Variants in PAK5 observed in about 807,000 individuals in gnomAD.
PAK5 encodes the protein p21 (RAC1) activated kinase 5, also known as serine/threonine-protein kinase PAK 5.
PAK5 carries 16 observed loss-of-function variants against 65.9 expected under a neutral mutation model. That is an observed-to-expected ratio of 0.24 (90% CI 0.16 to 0.37). The LOEUF (loss-of-function observed/expected upper bound fraction) is 0.37, where lower values mean the gene tolerates loss of function less well. PAK5 is among the 10% of genes least tolerant of loss of function. PAK5 has a pLI of 1.00. For synonymous variants in PAK5, 371 were observed against 354.9 expected (o/e 1.05, Z -0.51); for missense variants, 785 against 903.9 (o/e 0.87, Z 1.69).
At chr20:9,790,655 A>C (rs761870608) in intron 1 of PAK5, among the ~76,000 whole-genome samples, 1 of 152,008 alleles carries the variant, frequency 6.6e-6, no homozygotes, top group Non-Finnish European at 1.5e-5. Context: ...ACAGGTGTAC[A>C]ACACAACACC....
intron 2 of PAK5, among the ~76,000 whole-genome samples, chr20:9,709,782 A>G (rs964571856): frequency 2.6e-5 from 4 of 152,034 alleles, no homozygotes; most frequent in African/African-American, 7.3e-5. Context: ...GCTATCATGA[A>G]AAACTCTTCT....
chr20:9,803,266 G>A (rs2049193653), intron 1 of PAK5, among the ~76,000 whole-genome samples: 1 of 152,008 alleles, frequency 6.6e-6, no homozygotes, highest in African/African-American at 2.4e-5. Context: ...ATTAACAGCT[G>A]CAGTTGCCTG....
At chr20:9,743,567 G>A (rs927110669) in intron 1 of PAK5, among the ~76,000 whole-genome samples, 1 of 152,268 alleles carries the variant, frequency 6.6e-6, no homozygotes, top group South Asian at 2.1e-4. Context: ...GGATCTTTAG[G>A]AAGTGTATCA....
intron 3 of PAK5, among the ~76,000 whole-genome samples, chr20:9,633,462 T>C (rs966563621): frequency 1.3e-5 from 2 of 152,206 alleles, no homozygotes; most frequent in Admixed American, 6.5e-5. Context: ...TCAAGACTTA[T>C]CTGTACAACT....
intron 2 of PAK5, among the ~76,000 whole-genome samples, chr20:9,695,760 G>T (rs746377686): frequency 5.3e-5 from 8 of 151,852 alleles, no homozygotes; most frequent in African/African-American, 9.7e-5. Flanking sequence ...TACAAAGAAA[G>T]CACAATACCT....
chr20:9,599,609 T>C (rs1159322037), intron 3 of PAK5, among the ~76,000 whole-genome samples: 2 of 152,230 alleles, frequency 1.3e-5, no homozygotes, highest in Non-Finnish European at 2.9e-5. Flanking sequence ...TCTCAGACTA[T>C]GTTGATTTTC....
intron 8 of PAK5, 120 bp from the exon 9 acceptor site, chr20:9,542,840 T>C: frequency 1.1e-6 from 1 of 869,738 alleles, no homozygotes; most frequent in Non-Finnish European, 1.8e-6. Context: ...TCTCAACATT[T>C]ACAATATAGA....
At chr20:9,539,941 G>A (rs2045233581) in intron 9 of PAK5, among the ~76,000 whole-genome samples, 1 of 152,188 alleles carries the variant, frequency 6.6e-6, no homozygotes, top group Non-Finnish European at 1.5e-5. Context: ...GGTCACACGT[G>A]CTTGATGAAG....
intron 2 of PAK5, among the ~76,000 whole-genome samples, chr20:9,691,231 C>T (rs2047793060): frequency 6.6e-6 from 1 of 152,096 alleles, no homozygotes; most frequent in Non-Finnish European, 1.5e-5. Context: ...ACGCAGGGGT[C>T]CCTGAGTTAC....
At position 9,767,221 on chromosome 20, in the gene PAK5, A is replaced by G. The variant is rs371707017; in HGVS notation, c.-161-55786T>C. On this transcript the variant is annotated intron_variant, in intron 1 of 9. Coordinates refer to ENST00000353224, the MANE Select transcript of PAK5 (RefSeq NM_177990.4). Reference sequence around the variant, plus strand: ...TGATTTTGGATACAGGCAGCCTTTGATATTGCATGGAGGAAAATTTTGAAA... The same window carrying G: ...TGATTTTGGATACAGGCAGCCTTTGGTATTGCATGGAGGAAAATTTTGAAA... Among the ~76,000 whole-genome samples, 31 of 152,334 alleles carry G rather than the reference A, an allele frequency of 2.0e-4. 1 individual carries two copies. Among genetic ancestry groups the G allele is most frequent in the Admixed American group, 1.2e-3 (19 of 15,300 alleles).
chr20:9,714,347 T>C (rs909388136), intron 1 of PAK5, among the ~76,000 whole-genome samples: 1 of 152,132 alleles, frequency 6.6e-6, no homozygotes, highest in Non-Finnish European at 1.5e-5. Flanking sequence ...AAATAACAGC[T>C]TTTATTTCAT....
intron 1 of PAK5, among the ~76,000 whole-genome samples, chr20:9,775,179 G>T (rs1187508073): frequency 6.6e-6 from 1 of 152,022 alleles, no homozygotes; most frequent in South Asian, 2.1e-4. Flanking sequence ...GTTGGGGTGT[G>T]GGTTATACAT....
At chr20:9,834,960 A>G (rs1234883606) in intron 1 of PAK5, among the ~76,000 whole-genome samples, 5 of 152,208 alleles carry the variant, frequency 3.3e-5, no homozygotes, top group Non-Finnish European at 5.9e-5. Context: ...CAAAAACCTC[A>G]GTTGCCAAAA....
At chr20:9,630,807 G>C (rs1236794340) in intron 3 of PAK5, among the ~76,000 whole-genome samples, 2 of 152,184 alleles carry the variant, frequency 1.3e-5, no homozygotes, top group Non-Finnish European at 2.9e-5. Context: ...CTGGATTTCA[G>C]AAGAGTCACG....
chr20:9,781,970 TTC>T (rs2048945103), intron 1 of PAK5, among the ~76,000 whole-genome samples: 1 of 152,156 alleles, frequency 6.6e-6, no homozygotes, highest in Admixed American at 6.6e-5. Flanking sequence ...CATTTCAACT[TTC>T]TGCTCAGAAC....
rs115507905 is a variant in PAK5 at position 9,653,167 on chromosome 20, A to T, written c.-11-8828T>A. 2.0e-5 allele frequency among the ~76,000 whole-genome samples: 3 copies of T among 152,340 alleles called. No homozygotes were observed. In the South Asian group the frequency reaches 6.2e-4, roughly 32 times the overall value. ...CATATTTAAATTTATTCATTTCCAC[A>T]TTGGCAGAATGACAACATAATATTG... On this transcript the variant is annotated intron_variant, in intron 2 of 9. Transcript: ENST00000353224.
At chr20:9,539,802 T>C (rs1256095188) in intron 9 of PAK5, among the ~76,000 whole-genome samples, 185 bp from the exon 10 acceptor site, 1 of 152,226 alleles carries the variant, frequency 6.6e-6, no homozygotes, top group Admixed American at 6.5e-5. Flanking sequence ...CTTACCTTTT[T>C]CAAGTGTGAA....
intron 3 of PAK5, among the ~76,000 whole-genome samples, chr20:9,601,735 T>C (rs1301212342): frequency 2.0e-5 from 3 of 152,084 alleles, no homozygotes; most frequent in African/African-American, 7.2e-5. Context: ...GAGGCTATTA[T>C]ATATATCGAC....
chr20:9,837,998 A>G (rs377263212), intron 1 of PAK5, among the ~76,000 whole-genome samples: 46 of 152,294 alleles, frequency 3.0e-4, no homozygotes, highest in African/African-American at 8.9e-4. Context: ...AAGAAGGGCG[A>G]TCGCGCTTAT....
Sources: gnomAD v4.1 joint callset for allele counts (sites outside exome capture counted in the v4.1 genomes callset) on GRCh38, gnomAD v4.1.1 for gene constraint, MANE v1.5 for transcripts, NCBI Gene and HGNC (gene_info 2026-07-23, HGNC 2026-07-21) for gene names.